The following CSMD1 variants were observed in gnomAD, a reference collection of about 807,000 sequenced individuals.
CSMD1 encodes CUB and sushi domain-containing protein 1.
Under a neutral mutation model 417.5 loss-of-function variants are expected in CSMD1, and 213 were observed. That is an observed-to-expected ratio of 0.51 (90% CI 0.46 to 0.57). The LOEUF is 0.57. Ranked by LOEUF, CSMD1 falls within the 20% of genes least tolerant of loss-of-function variation. The pLI, the probability that CSMD1 is intolerant of heterozygous loss-of-function variation, is 0.00. For missense variants in CSMD1, 6,923 were observed against 4,529.7 expected (o/e 1.53, Z -15.17); for synonymous variants, 2,862 against 1,736.8 (o/e 1.65, Z -16.11).
intron 1 of CSMD1, among the ~76,000 whole-genome samples, chr8:4,643,638 G>C (rs749162168): frequency 1.3e-5 from 2 of 152,216 alleles, no homozygotes; most frequent in African/African-American, 2.4e-5. Flanking sequence ...ATTTGAAATA[G>C]TGAGAGGCCT....
chr8:4,435,666 A>T (rs1319435500), intron 2 of CSMD1, among the ~76,000 whole-genome samples: 1 of 152,150 alleles, frequency 6.6e-6, no homozygotes, highest in African/African-American at 2.4e-5. Context: ...ATTTCCTGTG[A>T]GGTCACCCGA....
At chr8:4,239,353 A>C (rs1504776) in intron 3 of CSMD1, among the ~76,000 whole-genome samples, 3 of 152,298 alleles carry the variant, frequency 2.0e-5, no homozygotes, top group South Asian at 2.1e-4. Context: ...CCTTGGTGGA[A>C]CTGCCAATGA....
chr8:4,200,324 G>A (rs139814102), intron 3 of CSMD1, among the ~76,000 whole-genome samples: 7 of 152,028 alleles, frequency 4.6e-5, no homozygotes, highest in African/African-American at 1.4e-4. Context: ...ACTTAGATAT[G>A]GTATGCTGTG....
intron 3 of CSMD1, among the ~76,000 whole-genome samples, chr8:4,413,317 C>A (rs17070173): frequency 1.3e-5 from 2 of 152,108 alleles, no homozygotes; most frequent in Non-Finnish European, 2.9e-5. Context: ...CTTTTAACTA[C>A]GCTCGTGGGG....
intron 31 of CSMD1, 104 bp downstream of exon 31, chr8:3,205,400 T>A: frequency 1.6e-6 from 1 of 626,286 alleles, no homozygotes; most frequent in Non-Finnish European, 2.7e-6. Context: ...TGCTTTTATA[T>A]GAAATATTTC....
At position 2,949,402 on chromosome 8, in the gene CSMD1, G is replaced by GAAAAGAAAAT. The variant is rs1554469548; in HGVS notation, c.10315-17_10315-16insATTTTCTTTT. The stretch of plus-strand genomic sequence containing the variant: ...CAGATGACACCTGACACATAGGAAA[G>GAAAAGAAAAT]AAAAGAAAAGAAATAAAAAGGTATA... On this transcript the variant is annotated splice_polypyrimidine_tract_variant and intron_variant, in intron 67 of 69. Transcript: ENST00000635120. The GAAAAGAAAAT allele has an allele frequency of 1.8e-4, 232 of 1,272,172 alleles. 3 individuals are homozygous for GAAAAGAAAAT. The East Asian group carries it at 2.0e-3, about 11-fold the overall frequency. 78.8% of individuals were successfully genotyped at this position (1,272,172 alleles called of 1,614,324 possible). A position where few individuals can be genotyped will look rare whatever the true frequency, so the allele number is the denominator to read the frequency against.
At chr8:4,150,287 C>G (rs1277489529) in intron 3 of CSMD1, among the ~76,000 whole-genome samples, 1 of 152,154 alleles carries the variant, frequency 6.6e-6, no homozygotes, top group African/African-American at 2.4e-5. Context: ...GTAGAAGTCT[C>G]CAAGCTTCCT....
At chr8:3,527,717 G>C (rs936519061) in intron 10 of CSMD1, among the ~76,000 whole-genome samples, 23 of 152,144 alleles carry the variant, frequency 1.5e-4, no homozygotes, top group Admixed American at 6.5e-4. Flanking sequence ...CTTACCACTG[G>C]TGGGAGGGGT....
intron 1 of CSMD1, among the ~76,000 whole-genome samples, chr8:4,696,921 C>T (rs1471747617): frequency 6.6e-6 from 1 of 152,158 alleles, no homozygotes; most frequent in Non-Finnish European, 1.5e-5. Context: ...TTCCTGTAAT[C>T]CCAGCACTTT....
chr8:4,162,868 C>A (rs1797250299), intron 3 of CSMD1, among the ~76,000 whole-genome samples: 1 of 152,274 alleles, frequency 6.6e-6, no homozygotes, highest in Non-Finnish European at 1.5e-5. Context: ...TGAGTAGTTT[C>A]CCCGCCCTAA....
chr8:3,356,982 G>T (rs1333014043), intron 21 of CSMD1, among the ~76,000 whole-genome samples: 6 of 152,038 alleles, frequency 3.9e-5, no homozygotes, highest in African/African-American at 1.4e-4. Flanking sequence ...GGCCCCTGGG[G>T]TTGGTGGGGT....
At chr8:2,990,913 G>C (rs1405952302) in intron 54 of CSMD1, among the ~76,000 whole-genome samples, 5 of 152,198 alleles carry the variant, frequency 3.3e-5, no homozygotes, top group African/African-American at 1.2e-4. Context: ...GGGAAGCGCA[G>C]AACTGCTCTG....
At chr8:4,556,678 T>G (rs1381206394) in intron 2 of CSMD1, among the ~76,000 whole-genome samples, 1 of 152,114 alleles carries the variant, frequency 6.6e-6, no homozygotes, top group Non-Finnish European at 1.5e-5. Flanking sequence ...CAACAAAAGT[T>G]TTTTTCCATA....
At chr8:3,428,603 G>A (rs922649967) in intron 12 of CSMD1, among the ~76,000 whole-genome samples, 3 of 152,198 alleles carry the variant, frequency 2.0e-5, no homozygotes. Context: ...TTCACCGTTA[G>A]TGAGGGTGGA....
At chr8:4,084,814 G>T (rs1800333661) in intron 3 of CSMD1, among the ~76,000 whole-genome samples, 1 of 141,564 alleles carries the variant, frequency 7.1e-6, no homozygotes, top group Non-Finnish European at 1.5e-5. Flanking sequence ...AAAAATTCCA[G>T]TGCCTCAAGA....
At chr8:3,933,025 G>T (rs1479450887) in intron 5 of CSMD1, among the ~76,000 whole-genome samples, 2 of 64,856 alleles carry the variant, frequency 3.1e-5, no homozygotes, top group East Asian at 3.5e-4. Flanking sequence ...CAAGTGAAAT[G>T]TATGATAAAA....
At chr8:4,478,818 T>C (rs575226141) in intron 2 of CSMD1, among the ~76,000 whole-genome samples, 12 of 152,342 alleles carry the variant, frequency 7.9e-5, no homozygotes, top group African/African-American at 2.6e-4. Flanking sequence ...GAGAATAGTT[T>C]CAACATATTT....
At chr8:4,821,049 G>C (rs888036767) in intron 1 of CSMD1, among the ~76,000 whole-genome samples, 11 of 152,044 alleles carry the variant, frequency 7.2e-5, no homozygotes, top group Admixed American at 5.2e-4. Context: ...ACACCAAGAA[G>C]AACAATGTGG....
intron 3 of CSMD1, among the ~76,000 whole-genome samples, chr8:4,342,718 G>A (rs1249458936): frequency 6.6e-6 from 1 of 152,034 alleles, no homozygotes; most frequent in African/African-American, 2.4e-5. Flanking sequence ...GTTAGCAAAG[G>A]GAGAACATTC....
Sources: allele counts gnomAD v4.1 joint callset (sites outside exome capture counted in the v4.1 genomes callset), GRCh38; gene constraint gnomAD v4.1.1; transcripts MANE v1.5; gene names NCBI Gene and HGNC (gene_info 2026-07-23, HGNC 2026-07-21).